GPR39: variants seen among roughly 807,000 people sequenced by gnomAD.
GPR39 encodes the protein G protein-coupled receptor 39.
A neutral mutation model predicts 18.4 loss-of-function variants in GPR39; 23 were observed. That is an observed-to-expected ratio of 1.25 (90% CI 0.90 to 1.77). The LOEUF is 1.77. GPR39 is among the 40% of genes most tolerant of loss of function. The pLI, the probability that GPR39 is intolerant of heterozygous loss-of-function variation, is 0.00. For synonymous variants in GPR39, 280 were observed against 257.9 expected (o/e 1.09, Z -0.82); for missense variants, 647 against 602.4 (o/e 1.07, Z -0.78).
At chr2:132,441,865 A>AG (rs797014434) in intron 1 of GPR39, among the ~76,000 whole-genome samples, 12 of 152,308 alleles carry the variant, frequency 7.9e-5, no homozygotes, top group African/African-American at 2.2e-4. Flanking sequence ...CTTCACGCAG[A>AG]GGGGAGATCT....
chr2:132,497,587 G>A (rs1451279453), intron 1 of GPR39, among the ~76,000 whole-genome samples: 2 of 152,104 alleles, frequency 1.3e-5, no homozygotes, highest in African/African-American at 4.8e-5. Context: ...GACTCACATA[G>A]GACTTTTATG....
chr2:132,520,556 T>G (rs1339510016), intron 1 of GPR39, among the ~76,000 whole-genome samples: 2 of 152,172 alleles, frequency 1.3e-5, no homozygotes, highest in African/African-American at 4.8e-5. Flanking sequence ...AAGAGGGAAC[T>G]GATGATGAGA....
Position 132,646,209 on chromosome 2 carries a change from A to C in GPR39, c.*603A>C. On this transcript the variant is annotated 3_prime_UTR_variant, in exon 2 of 2. Transcript: ENST00000329321. ...ACTGAGTTCAGTTTCCCTGGGGAGC[A>C]GAAGGACTGGTACCCGGCAGAGGCG... The C allele has an allele frequency of 6.2e-7, 1 of 1,606,606 alleles. No homozygotes were observed. Among genetic ancestry groups the C allele is most frequent in the Non-Finnish European group, 8.5e-7 (1 of 1,175,746 alleles).
intron 1 of GPR39, among the ~76,000 whole-genome samples, chr2:132,555,987 C>T (rs930790775): frequency 2.6e-5 from 4 of 152,062 alleles, no homozygotes; most frequent in Admixed American, 6.6e-5. Context: ...GTTCCTGATT[C>T]AGCAGATCTA....
At chr2:132,619,126 G>C (rs1161567224) in intron 1 of GPR39, among the ~76,000 whole-genome samples, 1 of 152,174 alleles carries the variant, frequency 6.6e-6, no homozygotes, top group East Asian at 1.9e-4. Context: ...CTGCAGCCCA[G>C]TGCACTTTCT....
chr2:132,530,485 A>G (rs906188912), intron 1 of GPR39, among the ~76,000 whole-genome samples: 1 of 152,194 alleles, frequency 6.6e-6, no homozygotes, highest in African/African-American at 2.4e-5. Flanking sequence ...CCAACATTCA[A>G]ATTCAGGAAA....
chr2:132,530,535 CT>C (rs1679596538), intron 1 of GPR39, among the ~76,000 whole-genome samples: 1 of 151,262 alleles, frequency 6.6e-6, no homozygotes, highest in African/African-American at 2.4e-5. Context: ...AGAAGACCAA[CT>C]CCAAGACACA....
At chr2:132,530,682 G>T (rs1013629088) in intron 1 of GPR39, among the ~76,000 whole-genome samples, 1 of 152,254 alleles carries the variant, frequency 6.6e-6, no homozygotes. Context: ...AGCCAGAAGA[G>T]AGTGGGGGCT....
rs1681001050 is a variant in GPR39 at position 132,469,958 on chromosome 2, CTG to C, written c.856+52063_856+52064del. ...CACTCTCAGAGGAGTTGGCAAAAGT[CTG>C]TGAAGTTCAGAGAATGCAAGGTCTT... On this transcript the variant is annotated intron_variant, in intron 1 of 1. Coordinates refer to ENST00000329321, the MANE Select transcript of GPR39 (RefSeq NM_001508.3). 3.3e-5 allele frequency among the ~76,000 whole-genome samples: 5 copies of C among 152,274 alleles called. No individual in the cohort carries two copies. The South Asian group carries it at 1.0e-3, about 32-fold the overall frequency.
intron 1 of GPR39, among the ~76,000 whole-genome samples, chr2:132,627,381 C>G (rs893299465): frequency 2.2e-4 from 33 of 152,244 alleles, no homozygotes; most frequent in Non-Finnish European, 4.6e-4. Context: ...TGCAGAAAAC[C>G]ACGGAAACTC....
chr2:132,436,575 T>A (rs1558798272), intron 1 of GPR39, among the ~76,000 whole-genome samples: 1 of 152,210 alleles, frequency 6.6e-6, no homozygotes, highest in African/African-American at 2.4e-5. Flanking sequence ...ATCACACTTG[T>A]CTGTGAGGTG....
intron 1 of GPR39, among the ~76,000 whole-genome samples, chr2:132,640,039 T>G (rs984111934): frequency 6.6e-6 from 1 of 152,202 alleles, no homozygotes; most frequent in African/African-American, 2.4e-5. Flanking sequence ...AACCTCAGTT[T>G]GCTCATGTGT....
chr2:132,501,060 T>G (rs988579331), intron 1 of GPR39, among the ~76,000 whole-genome samples: 6 of 149,594 alleles, frequency 4.0e-5, no homozygotes, highest in Admixed American at 2.0e-4. Context: ...TTGTGTTTTT[T>G]TTTTTTTTTT....
At chr2:132,513,008 C>A (rs907299421) in intron 1 of GPR39, among the ~76,000 whole-genome samples, 3 of 152,160 alleles carry the variant, frequency 2.0e-5, no homozygotes, top group Non-Finnish European at 2.9e-5. Flanking sequence ...TCCTTCTGTG[C>A]CCATATGAAG....
intron 1 of GPR39, among the ~76,000 whole-genome samples, chr2:132,493,190 A>G (rs922604254): frequency 5.8e-5 from 8 of 138,724 alleles, no homozygotes; most frequent in East Asian, 2.0e-4. Flanking sequence ...CACCATATAT[A>G]TACACCATAT....
At chr2:132,424,325 A>G (rs1680073251) in intron 1 of GPR39, among the ~76,000 whole-genome samples, 1 of 152,160 alleles carries the variant, frequency 6.6e-6, no homozygotes, top group Admixed American at 6.5e-5. Context: ...TGGGGGTGAC[A>G]TTTTGAAAAT....
intron 1 of GPR39, among the ~76,000 whole-genome samples, chr2:132,467,265 T>C (rs565488902): frequency 1.3e-5 from 2 of 152,268 alleles, no homozygotes; most frequent in East Asian, 3.9e-4. Context: ...ACAAGCACTG[T>C]GGTTGCAGCA....
rs181796034 is a variant in GPR39 at position 132,495,129 on chromosome 2, A to C, written c.856+77231A>C. 4.8e-3 allele frequency among the ~76,000 whole-genome samples: 735 copies of C among 152,278 alleles called. 5 individuals carry two copies. Among genetic ancestry groups the C allele is most frequent in the Non-Finnish European group, 7.0e-3 (478 of 68,014 alleles). Reference sequence around the variant, plus strand: ...GAGCATGTGCTGTCATGAATGGTTCAGGGGGTTGTATAGGGGTACCAAAGA... The same window carrying C: ...GAGCATGTGCTGTCATGAATGGTTCCGGGGGTTGTATAGGGGTACCAAAGA... On this transcript the variant is annotated intron_variant, in intron 1 of 1. Coordinates refer to ENST00000329321, the MANE Select transcript of GPR39 (RefSeq NM_001508.3).
chr2:132,615,672 T>C (rs865873596), intron 1 of GPR39, among the ~76,000 whole-genome samples: 2 of 152,222 alleles, frequency 1.3e-5, no homozygotes, highest in South Asian at 2.1e-4. Context: ...TACACTTCTC[T>C]AGCAAGAGGG....
Sources: allele counts gnomAD v4.1 joint callset (sites outside exome capture counted in the v4.1 genomes callset), GRCh38; gene constraint gnomAD v4.1.1; transcripts MANE v1.5; gene names NCBI Gene and HGNC (gene_info 2026-07-23, HGNC 2026-07-21).